The following MEIS2 variants were observed in gnomAD, a reference collection of about 807,000 sequenced individuals.
MEIS2 encodes Meis homeobox 2, also known as homeobox protein Meis2.
Under a neutral mutation model 58.6 loss-of-function variants are expected in MEIS2, and 9 were observed. The ratio of observed to expected loss-of-function variants is 0.15; its 90% CI spans 0.09 to 0.27. The LOEUF is 0.27. Among genes scored for constraint, MEIS2 ranks in the 10% least tolerant of loss-of-function variants. MEIS2 has a pLI of 1.00. For synonymous variants in MEIS2, 221 were observed against 228.4 expected (o/e 0.97, Z 0.29); for missense variants, 427 against 635.0 (o/e 0.67, Z 3.52).
intron 6 of MEIS2, among the ~76,000 whole-genome samples, chr15:37,093,255 G>A (rs919894906): frequency 2.6e-5 from 4 of 152,122 alleles, no homozygotes; most frequent in Non-Finnish European, 5.9e-5. Context: ...ACAAAATTAA[G>A]AAAGCAGAAA....
At chr15:37,036,785 T>C (rs1203524890) in intron 8 of MEIS2, 29 bp downstream of exon 8, 1 of 1,462,984 alleles carries the variant, frequency 6.8e-7, no homozygotes. Context: ...ACAAAAACTA[T>C]TTTTTTTTTC....
intron 6 of MEIS2, among the ~76,000 whole-genome samples, chr15:37,093,280 A>T (rs1893770918): frequency 6.6e-6 from 1 of 152,222 alleles, no homozygotes; most frequent in South Asian, 2.1e-4. Context: ...AGTGGTGACT[A>T]TATCAAACAG....
intron 9 of MEIS2, among the ~76,000 whole-genome samples, chr15:36,911,004 C>T (rs1171783867): frequency 7.0e-6 from 1 of 143,804 alleles, no homozygotes; most frequent in Non-Finnish European, 1.5e-5. Context: ...GAGATCGCGC[C>T]ACTGCACTCC....
At chr15:37,037,806 C>G (rs907286376) in intron 7 of MEIS2, among the ~76,000 whole-genome samples, 1 of 152,204 alleles carries the variant, frequency 6.6e-6, no homozygotes, top group Non-Finnish European at 1.5e-5. Flanking sequence ...AGCACGTCTT[C>G]CTGTTTTTGG....
intron 9 of MEIS2, among the ~76,000 whole-genome samples, chr15:36,936,971 A>G (rs906227010): frequency 2.6e-5 from 4 of 152,226 alleles, no homozygotes; most frequent in African/African-American, 9.6e-5. Flanking sequence ...CTTATTTTTG[A>G]AAGACTTCTT....
In MEIS2 at chr15:37,099,496, T is replaced by C. The variant is rs199649371; in HGVS notation, c.-30A>G. On this transcript the variant is annotated 5_prime_UTR_variant, in exon 1 of 12. Coordinates refer to ENST00000561208, the MANE Select transcript of MEIS2 (RefSeq NM_170675.5). ...CTGCGCTCCAATAAACTCCTGGATGTGTCGTATATTTAATATCCCAGTCCG... is the reference window on the plus strand; with the variant it reads ...CTGCGCTCCAATAAACTCCTGGATGCGTCGTATATTTAATATCCCAGTCCG... 19 of 1,613,780 alleles carry C rather than the reference T, an allele frequency of 1.2e-5. No homozygotes were observed. In the East Asian group the frequency reaches 4.0e-4, roughly 34 times the overall value.
At chr15:37,026,960 G>A (rs1388454193) in intron 8 of MEIS2, among the ~76,000 whole-genome samples, 3 of 152,154 alleles carry the variant, frequency 2.0e-5, no homozygotes, top group Admixed American at 6.5e-5. Context: ...AATATGAATA[G>A]CAAATGTAAA....
intron 9 of MEIS2, among the ~76,000 whole-genome samples, chr15:36,926,745 T>C (rs530835309): frequency 6.6e-6 from 1 of 152,304 alleles, no homozygotes; most frequent in East Asian, 1.9e-4. Flanking sequence ...GAACAACACA[T>C]GCTAGCAATT....
intron 8 of MEIS2, among the ~76,000 whole-genome samples, chr15:36,994,406 C>T (rs1038112759): frequency 6.6e-6 from 1 of 152,150 alleles, no homozygotes; most frequent in Non-Finnish European, 1.5e-5. Context: ...GTCGGATAGT[C>T]TTAGCATATT....
At chr15:37,056,861 C>G (rs375049721) in intron 7 of MEIS2, among the ~76,000 whole-genome samples, 4 of 152,340 alleles carry the variant, frequency 2.6e-5, no homozygotes, top group African/African-American at 9.6e-5. Context: ...CGGCAGCTTC[C>G]AGAATAAAGA....
At chr15:36,971,255 C>T (rs182074832) in intron 8 of MEIS2, among the ~76,000 whole-genome samples, 152 of 152,044 alleles carry the variant, frequency 1.0e-3, no homozygotes, top group Non-Finnish European at 1.9e-3. Flanking sequence ...TCTAATACCT[C>T]GAAGGCTGGT....
At chr15:37,094,456 TA>T in intron 5 of MEIS2, 70 bp downstream of exon 5, 2 of 1,505,126 alleles carry the variant, frequency 1.3e-6, no homozygotes, top group Non-Finnish European at 1.8e-6. Context: ...AGAGGTTTGT[TA>T]AAAACATCCC....
chr15:37,004,572 T>C (rs2141608427), intron 8 of MEIS2, among the ~76,000 whole-genome samples: 1 of 152,342 alleles, frequency 6.6e-6, no homozygotes, highest in East Asian at 1.9e-4. Flanking sequence ...ATGTGCCCCA[T>C]GTGCTTCAGA....
At chr15:36,950,478 G>A (rs572968486) in intron 8 of MEIS2, 78 bp from the exon 9 acceptor site, 32 of 1,340,306 alleles carry the variant, frequency 2.4e-5, no homozygotes, top group African/African-American at 8.7e-5. Flanking sequence ...TAAAACCACC[G>A]TTGGTGATTT....
intron 6 of MEIS2, among the ~76,000 whole-genome samples, chr15:37,087,816 T>C (rs1397347902): frequency 1.3e-5 from 2 of 152,106 alleles, no homozygotes; most frequent in Non-Finnish European, 2.9e-5. Flanking sequence ...GGTGAATTGG[T>C]GTTATTTCCC....
chr15:37,096,499 TA>T, intron 2 of MEIS2, 69 bp from the exon 3 acceptor site: 2 of 1,559,768 alleles, frequency 1.3e-6, no homozygotes, highest in South Asian at 1.2e-5. Flanking sequence ...GCAAGAACTG[TA>T]ATCAACAAGT....
intron 7 of MEIS2, chr15:37,050,724 C>T (rs2062881292): frequency 6.6e-6 from 1 of 152,112 alleles, no homozygotes; most frequent in African/African-American, 2.4e-5. Flanking sequence ...AACACAGAAG[C>T]ACGTACTCAT....
At chr15:37,082,536 T>G (rs1892369486) in intron 7 of MEIS2, among the ~76,000 whole-genome samples, 2 of 152,128 alleles carry the variant, frequency 1.3e-5, no homozygotes, top group Admixed American at 1.3e-4. Flanking sequence ...ACCAGTTACC[T>G]TGAAAATGCC....
chr15:36,935,108 T>C (rs2058114411), intron 9 of MEIS2, among the ~76,000 whole-genome samples: 1 of 152,158 alleles, frequency 6.6e-6, no homozygotes, highest in Admixed American at 6.5e-5. Context: ...GGGAGCCACT[T>C]AGCTGGTTGT....
Sources: allele counts gnomAD v4.1 joint callset (sites outside exome capture counted in the v4.1 genomes callset), GRCh38; gene constraint gnomAD v4.1.1; transcripts MANE v1.5; gene names NCBI Gene and HGNC (gene_info 2026-07-23, HGNC 2026-07-21).